Variants in PPM1H observed in about 807,000 individuals in gnomAD.
PPM1H encodes the protein protein phosphatase, Mg2+/Mn2+ dependent 1H, also known as protein phosphatase 1H.
Under a neutral mutation model 54.9 loss-of-function variants are expected in PPM1H, and 27 were observed. The observed-to-expected ratio is 0.49, with a 90% CI of 0.36 to 0.68. The LOEUF (loss-of-function observed/expected upper bound fraction) is 0.68. Ranked by LOEUF, PPM1H falls within the 30% of genes least tolerant of loss-of-function variation. PPM1H has a pLI of 0.00. For synonymous variants in PPM1H, 305 were observed against 270.8 expected, an observed-to-expected ratio of 1.13 and a Z score of -1.24; for missense variants, 596 against 667.8, an observed-to-expected ratio of 0.89 and a Z score of 1.19.
At chr12:62,700,460 A>G (rs1200961810) in intron 6 of PPM1H, among the ~76,000 whole-genome samples, 2 of 152,206 alleles carry the variant, frequency 1.3e-5, no homozygotes, top group African/African-American at 2.4e-5. Flanking sequence ...TTTCTTTGCT[A>G]GAACTTGTCA....
At chr12:62,854,626 A>G (rs912663129) in intron 1 of PPM1H, among the ~76,000 whole-genome samples, 13 of 152,198 alleles carry the variant, frequency 8.5e-5, no homozygotes, top group African/African-American at 3.1e-4. Flanking sequence ...GTAGGGCCTC[A>G]AAAATGTTAC....
intron 2 of PPM1H, among the ~76,000 whole-genome samples, chr12:62,817,116 T>TAAAAAAAAAAAAAAAGAAAA (rs2076870636): frequency 4.8e-5 from 2 of 41,792 alleles, no homozygotes; most frequent in Admixed American, 3.6e-4. Flanking sequence ...ACTGCATTAC[T>TAAAAAAAAAAAAAAAGAAAA]AAAAAAAAAA....
At chr12:62,921,888 C>T (rs74634870) in intron 1 of PPM1H, among the ~76,000 whole-genome samples, 9,346 of 152,250 alleles carry the variant, frequency 0.061, 576 homozygotes, top group East Asian at 0.25. Flanking sequence ...ACCTCACTTA[C>T]GATTTAAGCC....
At position 62,647,977 on chromosome 12, in the gene PPM1H, A is replaced by C. The variant is rs1473569308; in HGVS notation, c.*512T>G. 1.3e-5 allele frequency: 2 copies of C among 152,066 alleles called. No homozygotes were observed. Among genetic ancestry groups the C allele is most frequent in the Non-Finnish European group, 2.9e-5 (2 of 68,258 alleles). 9.4% of individuals were successfully genotyped at this position (152,066 alleles called of 1,614,324 possible). ...AAAAGAATAGAAACAGAGAAGAAAA[A>C]AAGAGAAGGGGGGCGGGGGGCAGAC... On this transcript the variant is annotated 3_prime_UTR_variant, in exon 10 of 10. Transcript: ENST00000228705.
At chr12:62,725,252 AGTTT>A (rs1456104063) in intron 5 of PPM1H, among the ~76,000 whole-genome samples, 1 of 152,138 alleles carries the variant, frequency 6.6e-6, no homozygotes, top group Admixed American at 6.5e-5. Flanking sequence ...ATCCCACAAA[AGTTT>A]GGTGTGTTGG....
intron 4 of PPM1H, among the ~76,000 whole-genome samples, chr12:62,742,858 G>A (rs1222041811): frequency 6.6e-6 from 1 of 152,156 alleles, no homozygotes; most frequent in Admixed American, 6.5e-5. Flanking sequence ...CCCATACAGA[G>A]GGGATGGGTT....
chr12:62,680,212 C>G (rs1356088833), intron 8 of PPM1H, among the ~76,000 whole-genome samples: 1 of 151,944 alleles, frequency 6.6e-6, no homozygotes, highest in Non-Finnish European at 1.5e-5. Context: ...CTCCTTTTCT[C>G]TCTTTCTCCC....
chr12:62,907,077 T>A (rs781670112), intron 1 of PPM1H, among the ~76,000 whole-genome samples: 4 of 152,208 alleles, frequency 2.6e-5, no homozygotes, highest in African/African-American at 9.6e-5. Context: ...AATCTTTGGG[T>A]TTATACCTGA....
At chr12:62,706,747 A>G (rs896547665) in intron 6 of PPM1H, among the ~76,000 whole-genome samples, 2 of 152,238 alleles carry the variant, frequency 1.3e-5, no homozygotes, top group African/African-American at 2.4e-5. Flanking sequence ...GTGAAGAGCT[A>G]GGAATCTGCA....
intron 4 of PPM1H, among the ~76,000 whole-genome samples, chr12:62,744,415 G>C (rs1282470783): frequency 1.3e-5 from 2 of 149,556 alleles, no homozygotes; most frequent in African/African-American, 4.9e-5. Flanking sequence ...AGGTTGCAGT[G>C]AGCCGAGGTT....
intron 2 of PPM1H, among the ~76,000 whole-genome samples, chr12:62,817,116 TAAAAA>T (rs1189819660): frequency 1.3e-3 from 53 of 41,782 alleles, no homozygotes; most frequent in African/African-American, 4.2e-3. Context: ...ACTGCATTAC[TAAAAA>T]AAAAAAAAAA....
chr12:62,742,434 A>C (rs1565775186), intron 4 of PPM1H, among the ~76,000 whole-genome samples: 1 of 152,176 alleles, frequency 6.6e-6, no homozygotes, highest in Non-Finnish European at 1.5e-5. Context: ...TCAATTTGTC[A>C]GAGTGCTGGT....
intron 6 of PPM1H, among the ~76,000 whole-genome samples, chr12:62,697,517 G>T (rs1434306420): frequency 7.2e-5 from 11 of 151,868 alleles, no homozygotes; most frequent in African/African-American, 1.2e-4. Flanking sequence ...GTTTAAGGAG[G>T]CCATCTAAGT....
intron 8 of PPM1H, among the ~76,000 whole-genome samples, chr12:62,675,920 T>G (rs2075982816): frequency 6.6e-6 from 1 of 152,214 alleles, no homozygotes; most frequent in African/African-American, 2.4e-5. Flanking sequence ...TCAATCCCGC[T>G]GATTGCAGTT....
chr12:62,793,472 C>T lies in PPM1H; in HGVS notation c.757-5134G>A, dbSNP rs572031506. Among the ~76,000 whole-genome samples the T allele has an allele frequency of 5.7e-4, 86 of 152,138 alleles. 1 individual carries two copies. The South Asian group carries it at 0.017, about 30-fold the overall frequency. ...GGGCGCGGTGGCTCACGCCTGTAATCTCAGCACTTTGGGAGGCCGAGGCAG... is the reference window on the plus strand; with the variant it reads ...GGGCGCGGTGGCTCACGCCTGTAATTTCAGCACTTTGGGAGGCCGAGGCAG... On this transcript the variant is annotated intron_variant, in intron 3 of 9. Transcript: ENST00000228705.
intron 9 of PPM1H, among the ~76,000 whole-genome samples, chr12:62,657,904 G>T (rs989279067): frequency 6.6e-6 from 1 of 152,168 alleles, no homozygotes; most frequent in African/African-American, 2.4e-5. Flanking sequence ...AGACTGACAA[G>T]TGTGGACATC....
At chr12:62,933,510 G>C (rs1452621466) in intron 1 of PPM1H, among the ~76,000 whole-genome samples, 2 of 152,170 alleles carry the variant, frequency 1.3e-5, no homozygotes, top group African/African-American at 4.8e-5. Context: ...AAAGGCGCAG[G>C]TGTGCCAGCC....
At chr12:62,893,090 A>G (rs1870856487) in intron 1 of PPM1H, among the ~76,000 whole-genome samples, 1 of 152,232 alleles carries the variant, frequency 6.6e-6, no homozygotes, top group Non-Finnish European at 1.5e-5. Context: ...GTCTGTTTTT[A>G]TACTGCCTCT....
At chr12:62,834,277 C>A (rs1868434728) in intron 1 of PPM1H, among the ~76,000 whole-genome samples, 1 of 152,116 alleles carries the variant, frequency 6.6e-6, no homozygotes, top group African/African-American at 2.4e-5. Context: ...CAAGGAAATG[C>A]ATTTCCTCTT....
Sources: allele counts gnomAD v4.1 joint callset (sites outside exome capture counted in the v4.1 genomes callset), GRCh38; gene constraint gnomAD v4.1.1; transcripts MANE v1.5; gene names NCBI Gene and HGNC (gene_info 2026-07-23, HGNC 2026-07-21).